SORCS3: variants seen among roughly 807,000 people sequenced by gnomAD.
The protein encoded by SORCS3 is sortilin related VPS10 domain containing receptor 3.
SORCS3 carries 57 observed loss-of-function variants against 146.3 expected under a neutral mutation model. The observed-to-expected ratio is 0.39, with a 90% CI of 0.31 to 0.49. SORCS3 has a LOEUF of 0.49. Among genes scored for constraint, SORCS3 ranks in the 20% least tolerant of loss-of-function variants. The probability of loss-of-function intolerance (pLI) is 0.92; values close to 1 mark genes in which losing one functional copy is unlikely to be tolerated. For synonymous variants in SORCS3, 653 were observed against 618.5 expected (o/e 1.06, Z -0.83); for missense variants, 1,341 against 1,575.5 (o/e 0.85, Z 2.52).
chr10:105,026,068 G>C (rs73338266), intron 4 of SORCS3, among the ~76,000 whole-genome samples: 1 of 152,090 alleles, frequency 6.6e-6, no homozygotes, highest in Admixed American at 6.6e-5. Context: ...AAAATATCCC[G>C]GATGCGATCA....
chr10:105,235,362 G>A (rs1257959445), intron 20 of SORCS3, among the ~76,000 whole-genome samples: 2 of 151,720 alleles, frequency 1.3e-5, no homozygotes, highest in African/African-American at 4.8e-5. Context: ...GGAGTATGTG[G>A]TCACCTACTG....
intron 7 of SORCS3, among the ~76,000 whole-genome samples, chr10:105,128,605 G>T (rs2055992984): frequency 6.6e-6 from 1 of 152,154 alleles, no homozygotes; most frequent in African/African-American, 2.4e-5. Context: ...AGATGTTTCT[G>T]TTCTATAGCT....
intron 1 of SORCS3, among the ~76,000 whole-genome samples, chr10:104,773,429 A>G (rs1247497033): frequency 1.6e-4 from 25 of 152,256 alleles, no homozygotes; most frequent in Admixed American, 1.6e-3. Flanking sequence ...TTTAATGCAC[A>G]TCAGTTGCTA....
intron 1 of SORCS3, among the ~76,000 whole-genome samples, chr10:104,814,671 C>T (rs1349391767): frequency 6.6e-6 from 1 of 152,176 alleles, no homozygotes; most frequent in East Asian, 1.9e-4. Context: ...TATGTTTACA[C>T]ATCTAACTGA....
chr10:104,654,968 T>G (rs2015608533), intron 1 of SORCS3, among the ~76,000 whole-genome samples: 1 of 152,190 alleles, frequency 6.6e-6, no homozygotes, highest in African/African-American at 2.4e-5. Context: ...AGAAGTAGTT[T>G]TAGGCAGGTT....
intron 1 of SORCS3, among the ~76,000 whole-genome samples, chr10:104,828,936 AG>A (rs889461970): frequency 6.6e-6 from 1 of 152,136 alleles, no homozygotes; most frequent in African/African-American, 2.4e-5. Flanking sequence ...TCTAAGGAAA[AG>A]AAATCCTTGA....
rs61665816 is a variant in SORCS3, at chr10:105,092,608, AACACACAC to A, written c.1093+2793_1093+2800del. On this transcript the variant is annotated intron_variant, in intron 6 of 26. Coordinates refer to ENST00000369701, the MANE Select transcript of SORCS3 (RefSeq NM_014978.3). ...GCTCCCTCACACTTGTGCATTCACA[AACACACAC>A]ACACACACACACACACACACACATC... Among the ~76,000 whole-genome samples the A allele has an allele frequency of 7.5e-5, 11 of 147,372 alleles. No homozygotes were observed. In the East Asian group the frequency reaches 1.4e-3, roughly 19 times the overall value.
chr10:104,716,043 C>T (rs1250802508), intron 1 of SORCS3, among the ~76,000 whole-genome samples: 1 of 152,164 alleles, frequency 6.6e-6, no homozygotes, highest in Non-Finnish European at 1.5e-5. Flanking sequence ...CAGTGGAGTT[C>T]CCTCTGCCTG....
intron 1 of SORCS3, among the ~76,000 whole-genome samples, chr10:104,750,303 A>T (rs2016968993): frequency 6.6e-6 from 1 of 152,216 alleles, no homozygotes; most frequent in South Asian, 2.1e-4. Flanking sequence ...TAGAAAAAAA[A>T]ATAAGCAGAA....
At chr10:105,225,618 A>G (rs1012541845) in intron 20 of SORCS3, among the ~76,000 whole-genome samples, 2 of 152,014 alleles carry the variant, frequency 1.3e-5, no homozygotes, top group Non-Finnish European at 2.9e-5. Flanking sequence ...TCTACAAACT[A>G]ACTTGCTAGG....
intron 3 of SORCS3, among the ~76,000 whole-genome samples, chr10:104,971,376 G>A (rs1393645452): frequency 6.6e-6 from 1 of 152,232 alleles, no homozygotes; most frequent in Non-Finnish European, 1.5e-5. Flanking sequence ...TGTGTTAAGA[G>A]TTAATTGAAA....
In SORCS3 at chr10:105,010,826, C is replaced by G. The variant is rs188359719; in HGVS notation, c.955-32229C>G. On this transcript the variant is annotated intron_variant, in intron 4 of 26. Coordinates refer to ENST00000369701, the MANE Select transcript of SORCS3 (RefSeq NM_014978.3). ...AGGTGAGATTCTCCAGGGAGACGCT[C>G]AGGGTTACAGCTGCCTTGGCTCTGA... 3.3e-5 allele frequency among the ~76,000 whole-genome samples: 5 copies of G among 152,038 alleles called. No homozygotes were observed. The East Asian group carries it at 7.8e-4, about 24-fold the overall frequency.
At chr10:105,129,331 CTTTTTTTT>C (rs71022753) in intron 7 of SORCS3, among the ~76,000 whole-genome samples, 10 of 104,616 alleles carry the variant, frequency 9.6e-5, no homozygotes, top group African/African-American at 1.2e-4. Flanking sequence ...CTTTCTTTCT[CTTTTTTTT>C]TTTTTTTTTT....
chr10:105,202,510 C>T (rs1477410472), intron 16 of SORCS3, among the ~76,000 whole-genome samples: 1 of 152,126 alleles, frequency 6.6e-6, no homozygotes, highest in Non-Finnish European at 1.5e-5. Flanking sequence ...CCTAATCTCA[C>T]CTATACCCTG....
At chr10:105,182,479 T>C (rs895382199) in intron 14 of SORCS3, among the ~76,000 whole-genome samples, 2 of 152,044 alleles carry the variant, frequency 1.3e-5, no homozygotes, top group African/African-American at 4.8e-5. Flanking sequence ...GTTTGTTCCA[T>C]CAAGGAGTAC....
chr10:104,972,719 T>C (rs1196363722), intron 3 of SORCS3, among the ~76,000 whole-genome samples: 1 of 152,070 alleles, frequency 6.6e-6, no homozygotes, highest in African/African-American at 2.4e-5. Context: ...TTCCCGGAAC[T>C]TCCAACACTA....
chr10:105,101,269 C>G (rs929090627), intron 6 of SORCS3, among the ~76,000 whole-genome samples: 6 of 152,122 alleles, frequency 3.9e-5, no homozygotes, highest in Non-Finnish European at 8.8e-5. Flanking sequence ...GAGGTTTGAA[C>G]GAAATGATAT....
rs34951100 is a variant in SORCS3 at position 104,669,894 on chromosome 10, G to GTT, written c.627+27950_627+27951dup. Among the ~76,000 whole-genome samples the GTT allele has an allele frequency of 5.0e-3, 731 of 145,480 alleles. 4 individuals carry two copies. Among genetic ancestry groups the GTT allele is most frequent in the African/African-American group, 0.017 (694 of 40,080 alleles). ...CTCCACGTCCTCACCAACACTTTCT[G>GTT]TTTTTTTTTTTATAGTAGTCATCTG... is the stretch of plus-strand genomic sequence containing the variant. On this transcript the variant is annotated intron_variant, in intron 1 of 26. Transcript: ENST00000369701.
At chr10:105,116,339 C>T (rs542218775) in intron 7 of SORCS3, among the ~76,000 whole-genome samples, 8 of 152,236 alleles carry the variant, frequency 5.3e-5, no homozygotes, top group Non-Finnish European at 1.0e-4. Context: ...GCAAGAGACT[C>T]GTTACCTATT....
Sources: gnomAD v4.1 joint callset for allele counts (sites outside exome capture counted in the v4.1 genomes callset) on GRCh38, gnomAD v4.1.1 for gene constraint, MANE v1.5 for transcripts, NCBI Gene and HGNC (gene_info 2026-07-23, HGNC 2026-07-21) for gene names.